Variants in PDE3B observed in about 807,000 individuals in gnomAD.
PDE3B encodes the protein cGMP-inhibited 3',5'-cyclic phosphodiesterase 3B.
Under a neutral mutation model 116.8 loss-of-function variants are expected in PDE3B, and 66 were observed. That is an observed-to-expected ratio of 0.56 (90% CI 0.46 to 0.69). PDE3B has a LOEUF of 0.69. Among genes scored for constraint, PDE3B ranks in the 30% least tolerant of loss-of-function variants. The pLI, the probability that PDE3B is intolerant of heterozygous loss-of-function variation, is 0.00. For synonymous variants in PDE3B, 595 were observed against 533.6 expected, an observed-to-expected ratio of 1.12 and a Z score of -1.59; for missense variants, 1,384 against 1,368.1, an observed-to-expected ratio of 1.01 and a Z score of -0.18.
chr11:14,786,160 A>G (rs1283479568), intron 2 of PDE3B, among the ~76,000 whole-genome samples: 6 of 148,016 alleles, frequency 4.1e-5, no homozygotes, highest in South Asian at 2.1e-4. Context: ...AAATTTTGTT[A>G]TAAAGGAAAG....
chr11:14,800,490 A>C (rs938805638), intron 4 of PDE3B, among the ~76,000 whole-genome samples: 3 of 151,852 alleles, frequency 2.0e-5, no homozygotes, highest in Admixed American at 6.6e-5. Context: ...CCCTCATTCT[A>C]TTCTGGCTTA....
intron 1 of PDE3B, among the ~76,000 whole-genome samples, chr11:14,765,729 T>C (rs1318283609): frequency 6.6e-6 from 1 of 151,388 alleles, no homozygotes; most frequent in Non-Finnish European, 1.5e-5. Flanking sequence ...CATTAAATGA[T>C]GTCTTATAGT....
chr11:14,712,141 G>A (rs975668243), intron 1 of PDE3B, among the ~76,000 whole-genome samples: 8 of 152,028 alleles, frequency 5.3e-5, no homozygotes, highest in African/African-American at 1.7e-4. Context: ...ACTGGAGTGC[G>A]GTAATGCGAT....
chr11:14,778,679 A>T (rs1298151525), intron 2 of PDE3B, among the ~76,000 whole-genome samples: 1 of 152,234 alleles, frequency 6.6e-6, no homozygotes, highest in Non-Finnish European at 1.5e-5. Flanking sequence ...ACCATCATCA[A>T]AGACCAAAGG....
chr11:14,861,462 C>A, intron 14 of PDE3B, 96 bp downstream of exon 14: 1 of 1,141,026 alleles, frequency 8.8e-7, no homozygotes, highest in Non-Finnish European at 1.3e-6. Flanking sequence ...TGTTTGAAAT[C>A]TGAGTTGCTT....
chr11:14,814,591 C>T (rs1417983879), intron 5 of PDE3B, among the ~76,000 whole-genome samples: 1 of 152,152 alleles, frequency 6.6e-6, no homozygotes, highest in Non-Finnish European at 1.5e-5. Context: ...CGTAACAAGA[C>T]ATAAAAATAC....
intron 1 of PDE3B, among the ~76,000 whole-genome samples, chr11:14,732,721 A>T (rs1010482252): frequency 2.0e-5 from 3 of 152,192 alleles, no homozygotes; most frequent in Non-Finnish European, 4.4e-5. Flanking sequence ...CAGGTCCTAC[A>T]TTAGACCCTG....
intron 5 of PDE3B, among the ~76,000 whole-genome samples, chr11:14,807,295 T>G (rs1425435129): frequency 1.3e-5 from 2 of 152,174 alleles, no homozygotes; most frequent in East Asian, 1.9e-4. Context: ...AATAATAACT[T>G]TCTTTTAGCA....
chr11:14,698,415 A>G (rs1228790738), intron 1 of PDE3B, among the ~76,000 whole-genome samples: 1 of 151,872 alleles, frequency 6.6e-6, no homozygotes, highest in East Asian at 1.9e-4. Context: ...ACTTAGGTTT[A>G]TTTTTGAATG....
intron 1 of PDE3B, among the ~76,000 whole-genome samples, chr11:14,741,179 C>T (rs1856760726): frequency 6.6e-6 from 1 of 152,028 alleles, no homozygotes; most frequent in Non-Finnish European, 1.5e-5. Flanking sequence ...TCGTATTGAT[C>T]TGTCTAATAT....
chr11:14,736,637 G>A (rs1276449432), intron 1 of PDE3B, among the ~76,000 whole-genome samples: 1 of 152,052 alleles, frequency 6.6e-6, no homozygotes, highest in Non-Finnish European at 1.5e-5. Context: ...TTTGTCCTAG[G>A]GTATTGAGAT....
At position 14,871,434 on chromosome 11, in the gene PDE3B, TTAAGTG is replaced by T. The variant is rs1379129416; in HGVS notation, c.*1777_*1782del. ...CTCTAGAGTACATTTTCCATCATGT[TTAAGTG>T]TATTTCTGCTATTATTTCCTCTCCT... On this transcript the variant is annotated 3_prime_UTR_variant, in exon 16 of 16. Coordinates refer to ENST00000282096, the MANE Select transcript of PDE3B (RefSeq NM_000922.4). The T allele has an allele frequency of 6.6e-6, 1 of 152,158 alleles. No individual in the cohort carries two copies. Among genetic ancestry groups the T allele is most frequent in the Non-Finnish European group, 1.5e-5 (1 of 68,000 alleles). The allele number at this position is 152,158 out of a possible 1,614,324, so 9.4% of individuals were successfully genotyped here.
chr11:14,708,908 C>T (rs370439384), intron 1 of PDE3B, among the ~76,000 whole-genome samples: 11 of 152,124 alleles, frequency 7.2e-5, no homozygotes, highest in African/African-American at 2.4e-4. Flanking sequence ...TGCACCTCTT[C>T]TGTAAGTTTA....
intron 1 of PDE3B, among the ~76,000 whole-genome samples, chr11:14,680,878 C>T (rs1433745940): frequency 2.0e-5 from 3 of 150,962 alleles, no homozygotes; most frequent in Admixed American, 6.6e-5. Flanking sequence ...TGATTTTATT[C>T]ATCAGTGTTT....
At chr11:14,702,325 C>A (rs1855389733) in intron 1 of PDE3B, among the ~76,000 whole-genome samples, 1 of 151,774 alleles carries the variant, frequency 6.6e-6, no homozygotes, top group African/African-American at 2.4e-5. Flanking sequence ...TGTCATTCCT[C>A]CTACTTCCTA....
At chr11:14,771,636 T>G (rs1590130691) in intron 1 of PDE3B, among the ~76,000 whole-genome samples, 1 of 151,886 alleles carries the variant, frequency 6.6e-6, no homozygotes, top group East Asian at 1.9e-4. Context: ...TAATTTTTCT[T>G]TTATTTTTTG....
chr11:14,643,934 C>G lies in PDE3B; in HGVS notation c.-142C>G. ...TCCTCAGTCCGCGCGGTGGGGACCC[C>G]GGGCCGTGGCGGCCGGCGCAGCCCT... is the stretch of plus-strand genomic sequence containing the variant. On this transcript the variant is annotated 5_prime_UTR_variant, in exon 1 of 16. Coordinates refer to ENST00000282096, the MANE Select transcript of PDE3B (RefSeq NM_000922.4). The G allele has an allele frequency of 7.9e-7, 1 of 1,261,384 alleles. No individual in the cohort carries two copies. Among genetic ancestry groups the G allele is most frequent in the South Asian group, 2.0e-5 (1 of 50,518 alleles). The allele number at this position is 1,261,384 out of a possible 1,614,324, so 78.1% of individuals were successfully genotyped here. A position where few individuals can be genotyped will look rare whatever the true frequency, so the allele number is the denominator to read the frequency against.
chr11:14,879,286 A>G, the PDE3B span: 1 of 1,613,366 alleles, frequency 6.2e-7, no homozygotes, highest in East Asian at 2.2e-5. Context: ...GTACAACTGC[A>G]TCTTCAGAGG....
At chr11:14,692,775 A>G (rs899718831) in intron 1 of PDE3B, among the ~76,000 whole-genome samples, 4 of 152,122 alleles carry the variant, frequency 2.6e-5, no homozygotes, top group African/African-American at 9.7e-5. Flanking sequence ...AGACACTGCA[A>G]TAATGAAAAT....
Sources: gnomAD v4.1 joint callset for allele counts (sites outside exome capture counted in the v4.1 genomes callset) on GRCh38, gnomAD v4.1.1 for gene constraint, MANE v1.5 for transcripts, NCBI Gene and HGNC (gene_info 2026-07-23, HGNC 2026-07-21) for gene names.